ALDH7A1: variants seen among roughly 807,000 people sequenced by gnomAD.
The protein encoded by ALDH7A1 is alpha-aminoadipic semialdehyde dehydrogenase.
ALDH7A1 carries 63 observed loss-of-function variants against 79.9 expected under a neutral mutation model. The ratio of observed to expected loss-of-function variants is 0.79; its 90% CI spans 0.64 to 0.97. ALDH7A1 has a LOEUF of 0.97. ALDH7A1 is among the 50% of genes least tolerant of loss of function. The pLI is 0.00. For synonymous variants in ALDH7A1, 240 were observed against 231.2 expected (o/e 1.04, Z -0.34); for missense variants, 627 against 665.2 (o/e 0.94, Z 0.63).
intron 5 of ALDH7A1, 136 bp from the exon 6 acceptor site, chr5:126,577,347 T>TATC (rs1170153796): frequency 9.2e-7 from 1 of 1,086,786 alleles, no homozygotes. Flanking sequence ...AGCCATGGGA[T>TATC]ATCAGTACAT....
chr5:126,567,996 G>A (rs886101991), intron 9 of ALDH7A1: 90 of 388,548 alleles, frequency 2.3e-4, no homozygotes, highest in Non-Finnish European at 2.7e-4. Context: ...TGTTAGCCAG[G>A]ATGGTCTGGA....
At chr5:126,576,699 G>A (rs563229432) in intron 6 of ALDH7A1, among the ~76,000 whole-genome samples, 1 of 152,294 alleles carries the variant, frequency 6.6e-6, no homozygotes, top group African/African-American at 2.4e-5. Context: ...GCCAAGGCAG[G>A]TGGATCACCT....
In ALDH7A1 at chr5:126,544,772, G is replaced by T; in HGVS notation, c.*193C>A. The stretch of plus-strand genomic sequence containing the variant: ...CTCATCTTTTAGTAACTATGGCTAT[G>T]TTGTAACAATTTTATTTTGATTTTT... On this transcript the variant is annotated 3_prime_UTR_variant, in exon 18 of 18. Coordinates refer to ENST00000409134, the MANE Select transcript of ALDH7A1 (RefSeq NM_001182.5). 1.7e-6 allele frequency: 1 copy of T among 590,818 alleles called. No homozygotes were observed. The highest frequency in any genetic ancestry group is 3.0e-6 in the Non-Finnish European group (1 of 332,480). The allele number at this position is 590,818 out of a possible 1,614,324, so 36.6% of individuals were successfully genotyped here.
chr5:126,591,927 C>CT (rs535978673), intron 3 of ALDH7A1: 7,046 of 131,236 alleles, frequency 0.054, 664 homozygotes, highest in African/African-American at 0.17. Flanking sequence ...TGCCACTGCT[C>CT]TTTTTTTTTT....
chr5:126,573,393 T>C (rs1750848176), intron 7 of ALDH7A1, among the ~76,000 whole-genome samples: 1 of 152,086 alleles, frequency 6.6e-6, no homozygotes, highest in Non-Finnish European at 1.5e-5. Flanking sequence ...AAACCCCATG[T>C]CTACTAAAAA....
chr5:126,585,824 A>C (rs548570753), intron 3 of ALDH7A1, among the ~76,000 whole-genome samples: 29 of 152,148 alleles, frequency 1.9e-4, no homozygotes, highest in Admixed American at 2.6e-4. Flanking sequence ...CGGCCTCCCA[A>C]AGTGCTGGGA....
Position 126,552,074 on chromosome 5 carries a change from A to G in ALDH7A1, c.1264T>C (p.Ser422Pro). Residue 422 changes from serine to proline, a missense_variant, in exon 14 of 18, where the codon TCC (serine) becomes CCC (proline). Ser to Pro is a moderately conservative substitution (Grantham distance 74). Transcript: ENST00000409134. ...GCAAAAGTCTCTGTGTGTGCAATGG[A>G]CGCATCGTGGCCAAGACCTGTCACA... ...TIVTGLGHDA[S>P]IAHTETFAPI... is the part of the protein sequence containing the mutation. The G allele has an allele frequency of 2.4e-5, 39 of 1,614,074 alleles. No homozygotes were observed. Among genetic ancestry groups the G allele is most frequent in the Non-Finnish European group, 3.2e-5 (38 of 1,180,008 alleles).
intron 1 of ALDH7A1, chr5:126,594,413 T>C: frequency 2.9e-6 from 1 of 344,214 alleles, no homozygotes; most frequent in South Asian, 2.3e-5. Context: ...CACAAGACCA[T>C]AGATCCCAAG....
intron 16 of ALDH7A1, 110 bp downstream of exon 16, chr5:126,549,819 A>G: frequency 1.0e-6 from 1 of 998,992 alleles, no homozygotes; most frequent in Non-Finnish European, 1.6e-6. Context: ...ACATAAGGTT[A>G]TTTCAGAATA....
chr5:126,551,892 T>G (rs1750011772), intron 14 of ALDH7A1, 129 bp downstream of exon 14: 1 of 783,058 alleles, frequency 1.3e-6, no homozygotes, highest in Non-Finnish European at 2.2e-6. Context: ...TCCTGAACCT[T>G]CATATATCTA....
chr5:126,548,398 A>T (rs373034352), intron 16 of ALDH7A1, among the ~76,000 whole-genome samples: 7 of 148,848 alleles, frequency 4.7e-5, no homozygotes, highest in African/African-American at 1.7e-4. Context: ...AATTACAGGC[A>T]TGAGCCACCA....
intron 13 of ALDH7A1, 118 bp from the exon 14 acceptor site, chr5:126,552,255 G>T: frequency 1.4e-6 from 1 of 709,084 alleles, no homozygotes; most frequent in Non-Finnish European, 2.5e-6. Context: ...ATTTATAGGT[G>T]AATTATTTCT....
At chr5:126,591,367 C>T (rs1049210907) in intron 3 of ALDH7A1, among the ~76,000 whole-genome samples, 1 of 151,866 alleles carries the variant, frequency 6.6e-6, no homozygotes, top group African/African-American at 2.4e-5. Flanking sequence ...ATGCTTTACA[C>T]AAAGACGTAT....
chr5:126,551,978 C>A lies in ALDH7A1; in HGVS notation c.1317+43G>T, dbSNP rs762744447. The A allele has an allele frequency of 1.2e-5, 17 of 1,447,584 alleles. No individual in the cohort carries two copies. In the Admixed American group the frequency reaches 2.3e-4, roughly 20 times the overall value. 89.7% of individuals were successfully genotyped at this position (1,447,584 alleles called of 1,614,324 possible). On this transcript the variant is annotated intron_variant, in intron 14 of 17. Coordinates refer to ENST00000409134, the MANE Select transcript of ALDH7A1 (RefSeq NM_001182.5). Reference sequence around the variant, plus strand: ...TAATCCACCATCATTTTCCTCTTATCATTTATTTCAACATCAGGCTAGCGA... The same window carrying A: ...TAATCCACCATCATTTTCCTCTTATAATTTATTTCAACATCAGGCTAGCGA...
In ALDH7A1 at chr5:126,552,013, ATTT is replaced by A; in HGVS notation, c.1317+5_1317+7del. The A allele has an allele frequency of 6.2e-7, 1 of 1,602,350 alleles. No individual in the cohort carries two copies. The highest frequency in any genetic ancestry group is 1.1e-5 in the South Asian group (1 of 90,810). ...AACATCAGGCTAGCGAACAGAATGCATTTTTACCTTGAATTTAAAGACATAGAG... is the reference window on the plus strand; with the variant it reads ...AACATCAGGCTAGCGAACAGAATGCATTACCTTGAATTTAAAGACATAGAG... On this transcript the variant is annotated splice_donor_5th_base_variant and intron_variant, in intron 14 of 17. Transcript: ENST00000409134.
intron 9 of ALDH7A1, chr5:126,564,507 T>G: frequency 8.0e-7 from 1 of 1,244,254 alleles, no homozygotes; most frequent in South Asian, 4.1e-5. Context: ...CACTTTAAAA[T>G]CAGCTTCCAT....
intron 3 of ALDH7A1, among the ~76,000 whole-genome samples, chr5:126,585,953 T>G (rs186581397): frequency 6.6e-6 from 1 of 152,008 alleles, no homozygotes; most frequent in Non-Finnish European, 1.5e-5. Context: ...CTGTTTCTAG[T>G]AAAGAAAAAA....
At position 126,542,803 on chromosome 5, in the gene ALDH7A1, T is replaced by C. The variant is rs1263417605; in HGVS notation, c.*2162A>G. 1 of 152,132 alleles carries C rather than the reference T, an allele frequency of 6.6e-6. No individual in the cohort carries two copies. Among genetic ancestry groups the C allele is most frequent in the Non-Finnish European group, 1.5e-5 (1 of 68,032 alleles). The allele number at this position is 152,132 out of a possible 1,614,324, so 9.4% of individuals were successfully genotyped here. ...ACTGCCTTCCCTCCATTGTGAGAAG[T>C]CTTCACCTGGAGGGCCTGCCTCCTC... On this transcript the variant is annotated 3_prime_UTR_variant, in exon 18 of 18. Coordinates refer to ENST00000409134, the MANE Select transcript of ALDH7A1 (RefSeq NM_001182.5).
At position 126,552,276 on chromosome 5, in the gene ALDH7A1, T is replaced by G. The variant is rs902382490; in HGVS notation, c.1201-139A>C. 1.9e-5 allele frequency: 13 copies of G among 669,842 alleles called. No homozygotes were observed. In the Middle Eastern group the frequency reaches 1.8e-3, roughly 91 times the overall value. 41.5% of individuals were successfully genotyped at this position (669,842 alleles called of 1,614,324 possible). A position where few individuals can be genotyped will look rare whatever the true frequency, so the allele number is the denominator to read the frequency against. The stretch of plus-strand genomic sequence containing the variant: ...AGGTGAATTATTTCTCCAAAATAAC[T>G]TCCAATCATGAAAGAAAATTCTCTC... On this transcript the variant is annotated intron_variant, in intron 13 of 17. Coordinates refer to ENST00000409134, the MANE Select transcript of ALDH7A1 (RefSeq NM_001182.5).
Sources: allele counts gnomAD v4.1 joint callset (sites outside exome capture counted in the v4.1 genomes callset), GRCh38; gene constraint gnomAD v4.1.1; transcripts MANE v1.5; gene names NCBI Gene and HGNC (gene_info 2026-07-23, HGNC 2026-07-21).